NUTM2G: variants seen among roughly 807,000 people sequenced by gnomAD.
NUTM2G encodes NUT family member 2G.
Under a neutral mutation model 44.3 loss-of-function variants are expected in NUTM2G, and 29 were observed. That is an observed-to-expected ratio of 0.66 (90% CI 0.49 to 0.89). The LOEUF (loss-of-function observed/expected upper bound fraction) is 0.89. NUTM2G is among the 40% of genes least tolerant of loss of function. NUTM2G has a pLI of 0.00. For missense variants in NUTM2G, 502 were observed against 946.5 expected (o/e 0.53, Z 6.16); for synonymous variants, 205 against 395.9 (o/e 0.52, Z 5.72).
At chr9:96,940,879 C>G (rs531576958), downstream of NUTM2G, among the ~76,000 whole-genome samples, 3 of 152,386 alleles carry the variant, frequency 2.0e-5, no homozygotes, top group African/African-American at 7.2e-5. Flanking sequence ...GGAGGCCTGC[C>G]ACCCGCTTTC....
chr9:96,930,872 GTTTTTTTTTTTTTTTTTTTT>G lies in NUTM2G; in HGVS notation c.17-829_17-810del, dbSNP rs1168888338. On this transcript the variant is annotated intron_variant, in intron 1 of 6. Coordinates refer to ENST00000372322, the MANE Select transcript of NUTM2G (RefSeq NM_001170741.3). ...GGCTTGGGCGAGTTTCCATCCAGTG[GTTTTTTTTTTTTTTTTTTTT>G]TTTTTTTTTTTTTTTTTTTTGAGAC... is the stretch of plus-strand genomic sequence containing the variant. 2.7e-3 allele frequency among the ~76,000 whole-genome samples: 196 copies of G among 72,670 alleles called. 1 individual carries two copies. Among genetic ancestry groups the G allele is most frequent in the African/African-American group, 6.0e-3 (106 of 17,560 alleles). The allele number at this position is 72,670 out of a possible 152,430, so 47.7% of individuals were successfully genotyped here. A position where few individuals can be genotyped will look rare whatever the true frequency, so the allele number is the denominator to read the frequency against.
At chr9:96,936,034 C>T (rs1490446137) in intron 3 of NUTM2G, among the ~76,000 whole-genome samples, 2 of 149,730 alleles carry the variant, frequency 1.3e-5, no homozygotes, top group East Asian at 2.0e-4. Context: ...TCTCCCGGGC[C>T]TCGTGTCCCT....
Position 96,928,889 on chromosome 9 carries a change from GT to G in NUTM2G, c.-133del, listed in dbSNP as rs1826157372. 7 of 968,772 alleles carry G rather than the reference GT, an allele frequency of 7.2e-6. No homozygotes were observed. The highest frequency in any genetic ancestry group is 1.1e-5 in the Non-Finnish European group (7 of 645,638). 60.0% of individuals were successfully genotyped at this position (968,772 alleles called of 1,614,324 possible). A position where few individuals can be genotyped will look rare whatever the true frequency, so the allele number is the denominator to read the frequency against. ...GTCTGGGGTCCTGTGTTCCAAACCT[GT>G]TTATATGCAAATTATCCCTGCTCCA... On this transcript the variant is annotated 5_prime_UTR_variant, in exon 1 of 7. The change abolishes the stop of an existing upstream ORF in the 5' untranslated region. Transcript: ENST00000372322.
At position 96,935,377 on chromosome 9, in the gene NUTM2G, G is replaced by A. The variant is rs1826394298; in HGVS notation, c.763G>A (p.Glu255Lys). 6 of 1,611,956 alleles carry A rather than the reference G, an allele frequency of 3.7e-6. No individual in the cohort carries two copies. Among genetic ancestry groups the A allele is most frequent in the Non-Finnish European group, 2.5e-6 (3 of 1,179,880 alleles). Residue 255 changes from glutamate (E) to lysine (K), a missense_variant, in exon 3 of 7, where the codon GAG becomes AAG. Transcript: ENST00000372322. ...GCGGAAGCCCACCATGACGCTGGAG[G>A]AGGGACTGTGGCGGGCCATGCGGGA... ...ARRKPTMTLE[E>K]GLWRAMREWQ... is the part of the protein sequence containing the mutation.
In NUTM2G at chr9:96,930,859, T is replaced by C. The variant is rs138215156; in HGVS notation, c.17-863T>C. On this transcript the variant is annotated intron_variant, in intron 1 of 6. Transcript: ENST00000372322. ...TTCCTAGGGCGCTGGCTTGGGCGAG[T>C]TTCCATCCAGTGGTTTTTTTTTTTT... is the stretch of plus-strand genomic sequence containing the variant. Among the ~76,000 whole-genome samples the C allele has an allele frequency of 1.8e-3, 259 of 144,838 alleles. 2 individuals are homozygous for C. Among genetic ancestry groups the C allele is most frequent in the African/African-American group, 6.3e-3 (245 of 39,098 alleles).
intron 2 of NUTM2G, among the ~76,000 whole-genome samples, chr9:96,934,477 G>A (rs1306484189): frequency 2.0e-5 from 3 of 151,888 alleles, no homozygotes; most frequent in Admixed American, 6.6e-5. Context: ...TAGCCGCCCC[G>A]GGCTCACAGG....
At position 96,937,186 on chromosome 9, in the gene NUTM2G, A is replaced by C; in HGVS notation, c.1105A>C (p.Thr369Pro). 7 of 1,612,768 alleles carry C rather than the reference A, an allele frequency of 4.3e-6. No individual in the cohort carries two copies. Among genetic ancestry groups the C allele is most frequent in the Non-Finnish European group, 5.9e-6 (7 of 1,179,866 alleles). Reference sequence around the variant, plus strand: ...ACCCAGGCCCCCGAGGCCAGCAGAGACCAAGGTCCCTGAGGAGATCCCCCC... The same window carrying C: ...ACCCAGGCCCCCGAGGCCAGCAGAGCCCAAGGTCCCTGAGGAGATCCCCCC... The part of the protein sequence containing the change: ...PPPRPPRPAE[T>P]KVPEEIPPEV... Residue 369 changes from threonine to proline, a missense_variant, in exon 5 of 7, where the codon ACC (threonine) becomes CCC (proline). By Grantham distance (38) the Thr-to-Pro change is conservative. Coordinates refer to ENST00000372322, the MANE Select transcript of NUTM2G (RefSeq NM_001170741.3).
chr9:96,935,864 G>C (rs1826415131), intron 3 of NUTM2G, among the ~76,000 whole-genome samples: 1 of 152,006 alleles, frequency 6.6e-6, no homozygotes, highest in African/African-American at 2.4e-5. Flanking sequence ...CCAGGGAGTT[G>C]GGTCAGGGGA....
chr9:96,931,742 G>A lies in NUTM2G; in HGVS notation c.37G>A (p.Gly13Ser), dbSNP rs201426779. The change falls in exon 2 of 7, where the codon GGC becomes AGC. Residue 13 changes from glycine (G) to serine (S), a missense_variant. Transcript: ENST00000372322. ...SNGAYPVLGP[G>S]VTVNPGTSLS... Reference sequence around the variant, plus strand: ...CACAGCATACCCAGTGCTGGGACCCGGCGTGACCGTGAACCCTGGCACCTC... The same window carrying A: ...CACAGCATACCCAGTGCTGGGACCCAGCGTGACCGTGAACCCTGGCACCTC... 1.9e-4 allele frequency: 313 copies of A among 1,611,414 alleles called. No individual in the cohort carries two copies. Among genetic ancestry groups the A allele is most frequent in the Middle Eastern group, 4.5e-4 (2 of 4,434 alleles).
intron 2 of NUTM2G, among the ~76,000 whole-genome samples, chr9:96,934,257 T>C (rs2261728): frequency 6.6e-6 from 1 of 152,204 alleles, no homozygotes; most frequent in Non-Finnish European, 1.5e-5. Flanking sequence ...CTGTGACCCT[T>C]TGTTTCCCGC....
At chr9:96,934,419 C>A (rs1355233677) in intron 2 of NUTM2G, among the ~76,000 whole-genome samples, 1 of 151,988 alleles carries the variant, frequency 6.6e-6, no homozygotes, top group Non-Finnish European at 1.5e-5. Context: ...GTTGCATCCC[C>A]CCTTGGAGCG....
At chr9:96,932,653 T>C (rs868285778) in intron 2 of NUTM2G, among the ~76,000 whole-genome samples, 3,654 of 100,232 alleles carry the variant, frequency 0.036, 86 homozygotes, top group African/African-American at 0.16. Context: ...CAATCCTTAA[T>C]TTTTTTTTTT....
chr9:96,932,652 A>ATTT (rs34371040), intron 2 of NUTM2G, among the ~76,000 whole-genome samples: 1 of 130,124 alleles, frequency 7.7e-6, no homozygotes. Flanking sequence ...CCAATCCTTA[A>ATTT]TTTTTTTTTT....
chr9:96,930,523 C>CAAA (rs557379276), intron 1 of NUTM2G, among the ~76,000 whole-genome samples: 1 of 61,622 alleles, frequency 1.6e-5, no homozygotes, highest in African/African-American at 6.0e-5. Context: ...GACTCCGTCT[C>CAAA]AAAAAAAAAA....
chr9:96,940,917 C>T (rs565205782), downstream of NUTM2G, among the ~76,000 whole-genome samples: 2,173 of 152,052 alleles, frequency 0.014, 5 homozygotes, highest in Non-Finnish European at 0.023. Flanking sequence ...TTTATCTTGG[C>T]AGGGCTTCCC....
intron 2 of NUTM2G, among the ~76,000 whole-genome samples, chr9:96,934,133 GAGCCCAGC>G (rs1365291167): frequency 6.6e-6 from 1 of 152,004 alleles, no homozygotes; most frequent in African/African-American, 2.4e-5. Flanking sequence ...AGTGCACCAC[GAGCCCAGC>G]AGCCCAGAGC....
Position 96,937,045 on chromosome 9 carries a change from T to A in NUTM2G, c.983-19T>A, listed in dbSNP as rs1382544779. Reference sequence around the variant, plus strand: ...GGAGCGGCCCTCACCACACCCATCCTCCTCCCTCTCTGCCTCAGTGTACCT... The same window carrying A: ...GGAGCGGCCCTCACCACACCCATCCACCTCCCTCTCTGCCTCAGTGTACCT... On this transcript the variant is annotated intron_variant, in intron 4 of 6. Transcript: ENST00000372322. 1.3e-6 allele frequency: 2 copies of A among 1,587,722 alleles called. No individual in the cohort carries two copies.
intron 1 of NUTM2G, among the ~76,000 whole-genome samples, chr9:96,930,820 G>T (rs1227647100): frequency 6.9e-6 from 1 of 145,044 alleles, no homozygotes; most frequent in Non-Finnish European, 1.5e-5. Flanking sequence ...ATGTGTTATG[G>T]GTTATCTTCA....
chr9:96,937,912 C>T lies in NUTM2G; in HGVS notation c.1351C>T (p.Leu451=), dbSNP rs1409606918. 6.2e-7 allele frequency: 1 copy of T among 1,611,602 alleles called. No homozygotes were observed. Among genetic ancestry groups the T allele is most frequent in the Non-Finnish European group, 8.5e-7 (1 of 1,179,752 alleles). ...KVEAVIHPRF[L]EELLSPDPQM... is the part of the protein sequence containing the mutation. ...GGAGGCCGTCATTCACCCCCGATTC[C>T]TGGAAGAATTGCTTTCCCCAGATCC... Residue 451 remains leucine (L), a synonymous_variant, in exon 6 of 7, where the codon CTG becomes TTG. Coordinates refer to ENST00000372322, the MANE Select transcript of NUTM2G (RefSeq NM_001170741.3).
Sources: gnomAD v4.1 joint callset for allele counts (sites outside exome capture counted in the v4.1 genomes callset) on GRCh38, gnomAD v4.1.1 for gene constraint, MANE v1.5 for transcripts, NCBI Gene and HGNC (gene_info 2026-07-23, HGNC 2026-07-21) for gene names.